SYT6: variants seen among roughly 807,000 people sequenced by gnomAD.
The protein encoded by SYT6 is synaptotagmin-6.
Under a neutral mutation model 38.4 loss-of-function variants are expected in SYT6, and 24 were observed. The observed-to-expected ratio is 0.62, with a 90% CI of 0.45 to 0.88. The LOEUF (loss-of-function observed/expected upper bound fraction) is 0.88, where lower values mean the gene tolerates loss of function less well. Ranked by LOEUF, SYT6 falls within the 40% of genes least tolerant of loss-of-function variation. The pLI is 0.00. For missense variants in SYT6, 611 were observed against 621.0 expected, an observed-to-expected ratio of 0.98 and a Z score of 0.17; for synonymous variants, 265 against 241.9, an observed-to-expected ratio of 1.10 and a Z score of -0.89.
intron 3 of SYT6, among the ~76,000 whole-genome samples, chr1:114,104,920 C>T (rs1676194365): frequency 6.6e-6 from 1 of 152,060 alleles, no homozygotes; most frequent in Non-Finnish European, 1.5e-5. Context: ...GTTTGGGGTA[C>T]AGATGATCCT....
intron 1 of SYT6, among the ~76,000 whole-genome samples, chr1:114,148,556 C>T (rs1248845614): frequency 6.6e-6 from 1 of 152,124 alleles, no homozygotes; most frequent in African/African-American, 2.4e-5. Flanking sequence ...CAAAGCACAG[C>T]CCAGAGGCCA....
chr1:114,092,493 G>T lies in SYT6; in HGVS notation c.*52-411C>A, dbSNP rs547599186. Among the ~76,000 whole-genome samples the T allele has an allele frequency of 1.1e-4, 17 of 152,248 alleles. 1 individual carries two copies. The South Asian group carries it at 3.1e-3, about 28-fold the overall frequency. ...ATGTCCTTACTGCCAAGAACCCATG[G>T]TCATGCATTATTAGCAATTTGTCTG... On this transcript the variant is annotated intron_variant, in intron 7 of 7. Coordinates refer to ENST00000610222, the MANE Select transcript of SYT6 (RefSeq NM_001253772.2).
chr1:114,130,941 A>G (rs1041309021), intron 3 of SYT6, among the ~76,000 whole-genome samples: 3 of 152,246 alleles, frequency 2.0e-5, no homozygotes, highest in South Asian at 2.1e-4. Flanking sequence ...CAGTGGATCA[A>G]TTAGCTGATT....
At chr1:114,098,500 G>A (rs143690452) in intron 5 of SYT6, among the ~76,000 whole-genome samples, 222 of 152,266 alleles carry the variant, frequency 1.5e-3, no homozygotes, top group Non-Finnish European at 2.5e-3. Context: ...TGGAAGAGAC[G>A]AAAAATATCT....
chr1:114,111,347 G>A (rs1187210570), intron 3 of SYT6, among the ~76,000 whole-genome samples: 1 of 152,212 alleles, frequency 6.6e-6, no homozygotes, highest in Non-Finnish European at 1.5e-5. Flanking sequence ...GGACACTGAA[G>A]TACGGAGAGG....
intron 6 of SYT6, among the ~76,000 whole-genome samples, chr1:114,095,683 T>C (rs1485619973): frequency 4.0e-5 from 6 of 148,840 alleles, no homozygotes; most frequent in Admixed American, 1.3e-4. Context: ...TTTTTTGAGA[T>C]GGAGTCTCGC....
At chr1:114,126,648 T>C (rs559365540) in intron 3 of SYT6, among the ~76,000 whole-genome samples, 2 of 152,332 alleles carry the variant, frequency 1.3e-5, no homozygotes, top group Non-Finnish European at 2.9e-5. Flanking sequence ...AAATCGCTTT[T>C]TGTTGATGCA....
intron 1 of SYT6, among the ~76,000 whole-genome samples, chr1:114,148,436 A>G (rs1233680905): frequency 6.6e-6 from 1 of 152,190 alleles, no homozygotes; most frequent in African/African-American, 2.4e-5. Context: ...GGCTGGCTTC[A>G]GGGCCTGGAA....
chr1:114,143,347 G>T (rs944420732), intron 1 of SYT6, among the ~76,000 whole-genome samples: 26 of 148,560 alleles, frequency 1.8e-4, no homozygotes, highest in African/African-American at 6.4e-4. Context: ...ATACTTATAT[G>T]TATAAAAGTT....
intron 3 of SYT6, among the ~76,000 whole-genome samples, chr1:114,122,511 G>GCGCGCA (rs1238659597): frequency 4.6e-5 from 7 of 151,860 alleles, no homozygotes; most frequent in East Asian, 1.9e-4. Context: ...GTGTGTGCGC[G>GCGCGCA]CACATGAGCA....
intron 3 of SYT6, among the ~76,000 whole-genome samples, chr1:114,126,995 A>G (rs1677784234): frequency 6.6e-6 from 1 of 152,234 alleles, no homozygotes; most frequent in Non-Finnish European, 1.5e-5. Flanking sequence ...CTTCTGAAGC[A>G]GCAGAGAAGG....
intron 4 of SYT6, among the ~76,000 whole-genome samples, chr1:114,103,190 C>T (rs547612760): frequency 2.4e-4 from 36 of 152,282 alleles, no homozygotes; most frequent in Admixed American, 5.9e-4. Context: ...CACACTCAAA[C>T]GACATAACCC....
At chr1:114,140,083 G>A (rs1678775676) in intron 1 of SYT6, 120 bp from the exon 2 acceptor site, 1 of 603,000 alleles carries the variant, frequency 1.7e-6, no homozygotes, top group African/African-American at 1.9e-5. Flanking sequence ...GAGAAGAATG[G>A]TCATGAGAAA....
At chr1:114,140,816 T>G (rs978926805) in intron 1 of SYT6, among the ~76,000 whole-genome samples, 4 of 152,222 alleles carry the variant, frequency 2.6e-5, no homozygotes, top group Non-Finnish European at 5.9e-5. Flanking sequence ...ATGTGCACAT[T>G]TTGTGTCTGT....
At chr1:114,123,121 G>A (rs537612965) in intron 3 of SYT6, among the ~76,000 whole-genome samples, 20 of 152,264 alleles carry the variant, frequency 1.3e-4, no homozygotes, top group East Asian at 3.9e-4. Context: ...CAGGGCTCCC[G>A]GCAGTGTCTC....
chr1:114,140,504 C>T (rs1678805582), intron 1 of SYT6, among the ~76,000 whole-genome samples: 1 of 152,064 alleles, frequency 6.6e-6, no homozygotes, highest in South Asian at 2.1e-4. Flanking sequence ...CCCCACTGAG[C>T]CCAAGACAGG....
Position 114,097,167 on chromosome 1 carries a change from C to T in SYT6, c.1515+560G>A, listed in dbSNP as rs554282549. Among the ~76,000 whole-genome samples, 5 of 152,310 alleles carry T rather than the reference C, an allele frequency of 3.3e-5. No individual in the cohort carries two copies. The South Asian group carries it at 1.0e-3, about 32-fold the overall frequency. ...TCTCCATTACGTCTCTGTTAGAACC[C>T]AACGCAACCCAGCTCCACAGCTTTA... On this transcript the variant is annotated intron_variant, in intron 6 of 7. Transcript: ENST00000610222.
chr1:114,147,386 G>A (rs1221180388), intron 1 of SYT6, among the ~76,000 whole-genome samples: 2 of 152,244 alleles, frequency 1.3e-5, no homozygotes, highest in Non-Finnish European at 2.9e-5. Context: ...TTGGGGAAAA[G>A]AAGCCTATTG....
chr1:114,104,609 C>T (rs1214730596), intron 3 of SYT6, among the ~76,000 whole-genome samples: 1 of 152,102 alleles, frequency 6.6e-6, no homozygotes, highest in African/African-American at 2.4e-5. Context: ...CATAGGGCTT[C>T]CAGAGTCAGG....
Sources: gnomAD v4.1 joint callset for allele counts (sites outside exome capture counted in the v4.1 genomes callset) on GRCh38, gnomAD v4.1.1 for gene constraint, MANE v1.5 for transcripts, NCBI Gene and HGNC (gene_info 2026-07-23, HGNC 2026-07-21) for gene names.